Variants in PPHLN1 observed in about 807,000 individuals in gnomAD.
PPHLN1 encodes periphilin-1.
Under a neutral mutation model 51.3 loss-of-function variants are expected in PPHLN1, and 29 were observed. That is an observed-to-expected ratio of 0.57 (90% CI 0.42 to 0.77). The LOEUF (loss-of-function observed/expected upper bound fraction) is 0.77. PPHLN1 is among the 30% of genes least tolerant of loss of function. The probability of loss-of-function intolerance (pLI) is 0.00; values close to 1 mark genes in which losing one functional copy is unlikely to be tolerated. For synonymous variants in PPHLN1, 147 were observed against 147.8 expected, an observed-to-expected ratio of 0.99 and a Z score of 0.04; for missense variants, 436 against 438.4, an observed-to-expected ratio of 0.99 and a Z score of 0.05.
At chr12:42,403,850 T>C (rs2079049870) in intron 9 of PPHLN1, among the ~76,000 whole-genome samples, 1 of 152,192 alleles carries the variant, frequency 6.6e-6, no homozygotes, top group Admixed American at 6.5e-5. Context: ...CCTCATCCAC[T>C]CTCTACCAGT....
intron 9 of PPHLN1, among the ~76,000 whole-genome samples, chr12:42,423,195 A>G (rs1427043291): frequency 6.6e-6 from 1 of 152,158 alleles, no homozygotes; most frequent in Non-Finnish European, 1.5e-5. Context: ...CAATTACTCT[A>G]TGAATTTTGC....
intron 9 of PPHLN1, among the ~76,000 whole-genome samples, chr12:42,433,681 C>T (rs776773533): frequency 2.7e-4 from 41 of 152,158 alleles, no homozygotes; most frequent in Admixed American, 5.2e-4. Flanking sequence ...AATAATAAGA[C>T]AGCATATATT....
chr12:42,418,185 C>T (rs1345605432), intron 9 of PPHLN1, among the ~76,000 whole-genome samples: 2 of 147,392 alleles, frequency 1.4e-5, no homozygotes, highest in Non-Finnish European at 3.0e-5. Flanking sequence ...GTGATCTGCC[C>T]CGCCTCGACC....
intron 9 of PPHLN1, among the ~76,000 whole-genome samples, chr12:42,414,719 C>A (rs572219114): frequency 2.5e-4 from 38 of 152,220 alleles, no homozygotes; most frequent in African/African-American, 8.4e-4. Context: ...TCATCGTTGA[C>A]GAACAGCAAT....
chr12:42,346,866 A>G (rs1272620342), intron 2 of PPHLN1, among the ~76,000 whole-genome samples: 1 of 152,114 alleles, frequency 6.6e-6, no homozygotes, highest in African/African-American at 2.4e-5. Context: ...ACCTTTTCAT[A>G]TAACTGTTGA....
intron 9 of PPHLN1, among the ~76,000 whole-genome samples, chr12:42,441,003 C>G (rs892863094): frequency 6.6e-6 from 1 of 152,196 alleles, no homozygotes; most frequent in Non-Finnish European, 1.5e-5. Context: ...AGCCTTTGTT[C>G]TTATTCTCAT....
intron 4 of PPHLN1, among the ~76,000 whole-genome samples, chr12:42,371,718 ATGCACAC>A (rs1405463586): frequency 6.6e-6 from 1 of 152,240 alleles, no homozygotes; most frequent in East Asian, 1.9e-4. Flanking sequence ...TAAGCATAAA[ATGCACAC>A]TGGATTTTTA....
chr12:42,327,453 T>C (rs2068972763), intron 1 of PPHLN1, among the ~76,000 whole-genome samples: 1 of 152,214 alleles, frequency 6.6e-6, no homozygotes, highest in Non-Finnish European at 1.5e-5. Flanking sequence ...CAGAATACTT[T>C]CTTCCCTCAG....
intron 2 of PPHLN1, among the ~76,000 whole-genome samples, chr12:42,341,378 C>T (rs536841237): frequency 1.4e-4 from 22 of 152,128 alleles, no homozygotes; most frequent in East Asian, 3.9e-4. Flanking sequence ...TAAAGTGCAA[C>T]GTGAAGTGGT....
At chr12:42,384,814 A>T (rs1375499575) in intron 5 of PPHLN1, 126 bp from the exon 6 acceptor site, 9 of 798,736 alleles carry the variant, frequency 1.1e-5, no homozygotes, top group Non-Finnish European at 1.8e-5. Flanking sequence ...GGTAGGAAAG[A>T]GTTTAGGGCC....
At chr12:42,433,369 G>GGA (rs2082206387) in intron 9 of PPHLN1, 1 of 465,558 alleles carries the variant, frequency 2.1e-6, no homozygotes, top group Non-Finnish European at 4.1e-6. Context: ...CTTACTTAAG[G>GGA]GAGAATGCAG....
At chr12:42,421,713 T>G (rs1399266048) in intron 9 of PPHLN1, among the ~76,000 whole-genome samples, 1 of 152,096 alleles carries the variant, frequency 6.6e-6, no homozygotes, top group African/African-American at 2.4e-5. Context: ...GCAGATGGCA[T>G]ATGAGAGAAG....
At chr12:42,328,743 T>C (rs1432205402) in intron 1 of PPHLN1, among the ~76,000 whole-genome samples, 1 of 152,080 alleles carries the variant, frequency 6.6e-6, no homozygotes, top group Non-Finnish European at 1.5e-5. Context: ...GGTGTCTTGC[T>C]CTGTTGCCCA....
At chr12:42,369,834 C>T (rs11181463) in intron 4 of PPHLN1, among the ~76,000 whole-genome samples, 53,467 of 152,014 alleles carry the variant, frequency 0.35, 9,924 homozygotes, top group South Asian at 0.46. Flanking sequence ...TCCTCATTTA[C>T]ACCACCCTGT....
rs1415603650 is a variant in PPHLN1 at position 42,436,267 on chromosome 12, A to G, written c.910-5048A>G. 2.7e-5 allele frequency among the ~76,000 whole-genome samples: 4 copies of G among 146,186 alleles called. No individual in the cohort carries two copies. The Admixed American group carries it at 2.7e-4, about 10-fold the overall frequency. The stretch of plus-strand genomic sequence containing the variant: ...TTAGATGTCTGCACTTGGCTCTTAC[A>G]TTGTCTTAAAGCACACTTTAGCTAT... On this transcript the variant is annotated intron_variant, in intron 9 of 9. Transcript: ENST00000358314.
chr12:42,377,911 G>A (rs1474354149), intron 5 of PPHLN1, among the ~76,000 whole-genome samples: 5 of 152,130 alleles, frequency 3.3e-5, no homozygotes, highest in South Asian at 2.1e-4. Flanking sequence ...TGGTTGAGCC[G>A]TAACGTGATG....
intron 9 of PPHLN1, among the ~76,000 whole-genome samples, chr12:42,419,308 C>T (rs571134154): frequency 1.3e-5 from 2 of 151,080 alleles, no homozygotes; most frequent in East Asian, 3.9e-4. Context: ...GTGGTGTGAT[C>T]TCGGCTCACT....
chr12:42,430,439 T>A (rs2081938154), intron 9 of PPHLN1, among the ~76,000 whole-genome samples: 1 of 152,202 alleles, frequency 6.6e-6, no homozygotes, highest in East Asian at 1.9e-4. Context: ...AATAACATAG[T>A]CAGTTAACAC....
intron 9 of PPHLN1, among the ~76,000 whole-genome samples, chr12:42,429,338 C>G (rs1190662428): frequency 6.6e-6 from 1 of 152,056 alleles, no homozygotes. Context: ...GTGTTTCTAC[C>G]ATAAGTTATT....
Sources: allele counts gnomAD v4.1 joint callset (sites outside exome capture counted in the v4.1 genomes callset), GRCh38; gene constraint gnomAD v4.1.1; transcripts MANE v1.5; gene names NCBI Gene and HGNC (gene_info 2026-07-23, HGNC 2026-07-21).